EML6: variants seen among roughly 807,000 people sequenced by gnomAD.
EML6 encodes the protein EMAP like 6, also known as echinoderm microtubule-associated protein-like 6.
Under a neutral mutation model 240.1 loss-of-function variants are expected in EML6, and 154 were observed. The observed-to-expected ratio is 0.64, with a 90% confidence interval of 0.56 to 0.73. EML6 has a LOEUF of 0.73. EML6 is among the 30% of genes least tolerant of loss of function. The pLI is 0.00. For missense variants in EML6, 2,964 were observed against 2,474.6 expected (o/e 1.20, Z -4.20); for synonymous variants, 1,148 against 899.0 (o/e 1.28, Z -4.95).
At chr2:54,859,812 A>G in intron 12 of EML6, 111 bp downstream of exon 12, 1 of 822,572 alleles carries the variant, frequency 1.2e-6, no homozygotes, top group Non-Finnish European at 1.8e-6. Flanking sequence ...TGGAAAATTG[A>G]TTCCTGTAAT....
chr2:54,893,026 C>G (rs1213131024), intron 19 of EML6, among the ~76,000 whole-genome samples: 1 of 152,110 alleles, frequency 6.6e-6, no homozygotes, highest in South Asian at 2.1e-4. Context: ...CTGAAAGTAC[C>G]AAATGGTTAC....
At chr2:54,833,973 CT>C (rs1669004705) in intron 7 of EML6, among the ~76,000 whole-genome samples, 1 of 152,112 alleles carries the variant, frequency 6.6e-6, no homozygotes, top group Non-Finnish European at 1.5e-5. Flanking sequence ...AAGATGCTGC[CT>C]CAGTTTCTGC....
At chr2:54,836,343 A>C (rs1669140619) in intron 7 of EML6, among the ~76,000 whole-genome samples, 1 of 152,116 alleles carries the variant, frequency 6.6e-6, no homozygotes, top group Non-Finnish European at 1.5e-5. Flanking sequence ...CTGATATCTC[A>C]CTAGGCTTTG....
intron 7 of EML6, among the ~76,000 whole-genome samples, chr2:54,837,515 C>G (rs547057150): frequency 6.6e-6 from 1 of 152,300 alleles, no homozygotes; most frequent in African/African-American, 2.4e-5. Context: ...TGCCCACCTG[C>G]AGGGCTTGCT....
At chr2:54,767,003 T>C (rs942468079) in intron 2 of EML6, among the ~76,000 whole-genome samples, 1 of 152,188 alleles carries the variant, frequency 6.6e-6, no homozygotes, top group African/African-American at 2.4e-5. Flanking sequence ...GCACCAAGTA[T>C]ATTAAATATC....
chr2:54,801,735 T>G (rs1276952419), intron 2 of EML6, among the ~76,000 whole-genome samples: 1 of 152,232 alleles, frequency 6.6e-6, no homozygotes. Flanking sequence ...AAGAACCTAA[T>G]GCAATTTTTC....
chr2:54,866,464 A>G lies in EML6; in HGVS notation c.1933-302A>G, dbSNP rs1189084439. On this transcript the variant is annotated intron_variant, in intron 13 of 41. Transcript: ENST00000356458. ...AGAGATTTCTGGCCTTAGAAGAAAT[A>G]AAACAAACTATTTTATTTATATTTT... is the stretch of plus-strand genomic sequence containing the variant. 2.6e-5 allele frequency among the ~76,000 whole-genome samples: 4 copies of G among 152,234 alleles called. No individual in the cohort carries two copies. In the East Asian group the frequency reaches 5.8e-4, roughly 22 times the overall value.
chr2:54,744,412 T>G (rs1347574575), intron 2 of EML6, among the ~76,000 whole-genome samples: 1 of 152,110 alleles, frequency 6.6e-6, no homozygotes, highest in African/African-American at 2.4e-5. Context: ...TTGGACTGGA[T>G]AAAAATCCAA....
intron 41 of EML6, among the ~76,000 whole-genome samples, chr2:54,969,059 C>T (rs1360209045): frequency 3.3e-5 from 5 of 152,116 alleles, no homozygotes; most frequent in African/African-American, 4.8e-5. Context: ...GGATGACACC[C>T]GAGATGGCTG....
At chr2:54,879,834 G>A (rs1008745666) in intron 17 of EML6, 194 bp downstream of exon 17, 7 of 566,058 alleles carry the variant, frequency 1.2e-5, no homozygotes, top group Admixed American at 3.2e-5. Flanking sequence ...TGTTTGTTGC[G>A]GTGAATCAGA....
At chr2:54,871,660 G>C in intron 16 of EML6, 55 bp downstream of exon 16, 1 of 1,271,706 alleles carries the variant, frequency 7.9e-7, no homozygotes, top group Non-Finnish European at 1.1e-6. Flanking sequence ...GAGAGACACA[G>C]AGAGAGTATG....
chr2:54,728,476 A>G (rs1683008848), intron 2 of EML6, among the ~76,000 whole-genome samples: 1 of 152,144 alleles, frequency 6.6e-6, no homozygotes, highest in African/African-American at 2.4e-5. Context: ...TTTATGTACA[A>G]TGCTGCTTTA....
chr2:54,911,727 G>A (rs1197623453), intron 25 of EML6, among the ~76,000 whole-genome samples: 5 of 152,178 alleles, frequency 3.3e-5, no homozygotes, highest in African/African-American at 9.7e-5. Flanking sequence ...GTGAGCCACC[G>A]TGTCCAGCCT....
chr2:54,740,813 C>A (rs1683597318), intron 2 of EML6, among the ~76,000 whole-genome samples: 1 of 151,984 alleles, frequency 6.6e-6, no homozygotes, highest in South Asian at 2.1e-4. Flanking sequence ...TGAACACATT[C>A]ACTTTGACTG....
chr2:54,827,480 T>C (rs1668652025), intron 5 of EML6, 86 bp from the exon 6 acceptor site: 1 of 1,114,644 alleles, frequency 9.0e-7, no homozygotes, highest in East Asian at 2.6e-5. Flanking sequence ...GCACATTATG[T>C]GAAATGCACT....
rs148042964 is a variant in EML6, at chr2:54,861,241, G to A, written c.1825+1540G>A. 2.4e-4 allele frequency among the ~76,000 whole-genome samples: 37 copies of A among 152,304 alleles called. No homozygotes were observed. The East Asian group carries it at 6.6e-3, about 27-fold the overall frequency. ...AGCCTACCCATACTTACTGGAAAAA[G>A]TTTGGTCATACACCAAGTGCCACAC... is the stretch of plus-strand genomic sequence containing the variant. On this transcript the variant is annotated intron_variant, in intron 12 of 41. Coordinates refer to ENST00000356458, the MANE Select transcript of EML6 (RefSeq NM_001039753.4).
chr2:54,758,060 G>A (rs745526594), intron 2 of EML6, among the ~76,000 whole-genome samples: 15 of 151,926 alleles, frequency 9.9e-5, no homozygotes, highest in African/African-American at 1.5e-4. Flanking sequence ...GCCAGTCACC[G>A]TAATTTTCAT....
In EML6 at chr2:54,770,335, A is replaced by G. The variant is rs1668355294; in HGVS notation, c.198-42897A>G. 2.6e-5 allele frequency among the ~76,000 whole-genome samples: 4 copies of G among 152,206 alleles called. No homozygotes were observed. In the South Asian group the frequency reaches 8.3e-4, roughly 31 times the overall value. ...GACCGTTGGACATTTGGTCACTCTA[A>G]AAGTTGACACCAGCACACTTGGGAC... On this transcript the variant is annotated intron_variant, in intron 2 of 41. Transcript: ENST00000356458.
intron 28 of EML6, among the ~76,000 whole-genome samples, chr2:54,937,663 A>T (rs1675217119): frequency 6.6e-6 from 1 of 151,942 alleles, no homozygotes; most frequent in African/African-American, 2.4e-5. Context: ...ATTATGGATA[A>T]CTGTAGATAC....
Sources: gnomAD v4.1 joint callset for allele counts (sites outside exome capture counted in the v4.1 genomes callset) on GRCh38, gnomAD v4.1.1 for gene constraint, MANE v1.5 for transcripts, NCBI Gene and HGNC (gene_info 2026-07-23, HGNC 2026-07-21) for gene names.